SNX9: variants seen among roughly 807,000 people sequenced by gnomAD.
SNX9 encodes the protein sorting nexin-9.
SNX9 carries 44 observed loss-of-function variants against 89.4 expected under a neutral mutation model. The observed-to-expected ratio is 0.49, with a 90% CI of 0.39 to 0.63. SNX9 has a LOEUF of 0.63. SNX9 is among the 30% of genes least tolerant of loss of function. The pLI is 0.00. For missense variants in SNX9, 578 were observed against 736.1 expected, an observed-to-expected ratio of 0.79 and a Z score of 2.49; for synonymous variants, 236 against 247.8, an observed-to-expected ratio of 0.95 and a Z score of 0.45.
At chr6:157,868,871 G>A (rs952440837) in intron 2 of SNX9, among the ~76,000 whole-genome samples, 3 of 152,188 alleles carry the variant, frequency 2.0e-5, no homozygotes, top group South Asian at 2.1e-4. Flanking sequence ...GGCTGATTTC[G>A]TGACACTGCC....
chr6:157,938,361 A>G (rs1783967840), intron 15 of SNX9, among the ~76,000 whole-genome samples: 1 of 152,250 alleles, frequency 6.6e-6, no homozygotes, highest in South Asian at 2.1e-4. Context: ...GCTTCTGAAT[A>G]TTACAGAGAT....
intron 1 of SNX9, among the ~76,000 whole-genome samples, chr6:157,838,380 A>G (rs1033183100): frequency 1.3e-5 from 2 of 152,120 alleles, no homozygotes; most frequent in East Asian, 1.9e-4. Flanking sequence ...AAATGCATGT[A>G]TATTTTTCTA....
chr6:157,852,815 CT>C (rs1562594583), intron 1 of SNX9, among the ~76,000 whole-genome samples: 1 of 152,198 alleles, frequency 6.6e-6, no homozygotes, highest in Non-Finnish European at 1.5e-5. Flanking sequence ...TTTGTGCGAT[CT>C]GTCCACCTCG....
chr6:157,843,222 T>C (rs1339545070), intron 1 of SNX9, among the ~76,000 whole-genome samples: 1 of 152,010 alleles, frequency 6.6e-6, no homozygotes, highest in African/African-American at 2.4e-5. Flanking sequence ...AAATGAAAAT[T>C]GAAAAAGAAA....
At chr6:157,908,071 C>T (rs949135251) in intron 7 of SNX9, among the ~76,000 whole-genome samples, 14 of 152,076 alleles carry the variant, frequency 9.2e-5, no homozygotes, top group South Asian at 2.1e-4. Flanking sequence ...TATCCCAATC[C>T]GCTTTTCCCA....
chr6:157,911,641 G>C (rs1783349303), intron 9 of SNX9, among the ~76,000 whole-genome samples: 1 of 152,148 alleles, frequency 6.6e-6, no homozygotes. Flanking sequence ...TGCTGAAAAA[G>C]GAATTCGAAT....
intron 1 of SNX9, among the ~76,000 whole-genome samples, chr6:157,847,873 C>T (rs968576900): frequency 6.6e-6 from 1 of 152,272 alleles, no homozygotes; most frequent in African/African-American, 2.4e-5. Flanking sequence ...TTTTATAACT[C>T]TCTTGGTAAA....
At chr6:157,896,012 CT>C (rs1209475749) in intron 4 of SNX9, among the ~76,000 whole-genome samples, 2 of 152,182 alleles carry the variant, frequency 1.3e-5, no homozygotes, top group African/African-American at 2.4e-5. Flanking sequence ...TAACCATCAA[CT>C]TTTTTTCTGT....
chr6:157,851,964 C>T (rs1025137529), intron 1 of SNX9, among the ~76,000 whole-genome samples: 2 of 152,120 alleles, frequency 1.3e-5, no homozygotes, highest in Non-Finnish European at 2.9e-5. Flanking sequence ...AGCATGTATC[C>T]GAACTTCATT....
chr6:157,826,757 A>G (rs1348976909), intron 1 of SNX9, among the ~76,000 whole-genome samples: 1 of 118,634 alleles, frequency 8.4e-6, no homozygotes, highest in Admixed American at 9.2e-5. Flanking sequence ...TATAGGTTTT[A>G]TATATATATG....
intron 1 of SNX9, among the ~76,000 whole-genome samples, chr6:157,841,363 T>C (rs146593424): frequency 1.7e-3 from 263 of 152,270 alleles, no homozygotes; most frequent in African/African-American, 4.6e-3. Context: ...TTTTATTACC[T>C]ACAGGCCCTG....
At chr6:157,835,346 T>G (rs2115108496) in intron 1 of SNX9, among the ~76,000 whole-genome samples, 1 of 152,144 alleles carries the variant, frequency 6.6e-6, no homozygotes, top group East Asian at 1.9e-4. Flanking sequence ...TTTACTTCTA[T>G]TAGAGTTCAA....
intron 14 of SNX9, among the ~76,000 whole-genome samples, chr6:157,937,101 G>A (rs1314055374): frequency 7.2e-5 from 11 of 152,160 alleles, no homozygotes; most frequent in Admixed American, 7.2e-4. Context: ...ATATTTAGAA[G>A]TTAAACTACA....
intron 4 of SNX9, among the ~76,000 whole-genome samples, chr6:157,881,872 T>C (rs968422584): frequency 6.6e-6 from 1 of 152,186 alleles, no homozygotes; most frequent in South Asian, 2.1e-4. Context: ...CTTCATAATA[T>C]AAAAGTGCAC....
intron 12 of SNX9, among the ~76,000 whole-genome samples, chr6:157,931,087 T>TGTGGG (rs1257191050): frequency 6.6e-6 from 1 of 152,240 alleles, no homozygotes; most frequent in African/African-American, 2.4e-5. Flanking sequence ...GCCGCTCTTT[T>TGTGGG]GTGGGGTGGG....
At chr6:157,834,553 C>T (rs1781548067) in intron 1 of SNX9, among the ~76,000 whole-genome samples, 1 of 151,794 alleles carries the variant, frequency 6.6e-6, no homozygotes, top group South Asian at 2.1e-4. Flanking sequence ...TGAGGTCTCG[C>T]CATGTTCCCC....
chr6:157,903,199 A>G (rs1783142257), intron 6 of SNX9, among the ~76,000 whole-genome samples: 1 of 151,578 alleles, frequency 6.6e-6, no homozygotes, highest in African/African-American at 2.4e-5. Flanking sequence ...ACTTTTTCCC[A>G]ATATTCCAAT....
chr6:157,890,835 G>A (rs944948679), intron 4 of SNX9, among the ~76,000 whole-genome samples: 5 of 151,996 alleles, frequency 3.3e-5, no homozygotes, highest in African/African-American at 4.8e-5. Flanking sequence ...AGAGTTAAAC[G>A]AATTTCATAG....
intron 13 of SNX9, among the ~76,000 whole-genome samples, chr6:157,935,434 G>A (rs140551137): frequency 6.6e-6 from 1 of 152,110 alleles, no homozygotes; most frequent in Non-Finnish European, 1.5e-5. Context: ...AGGGGAGTGT[G>A]TGACATATCA....
Sources: gnomAD v4.1 joint callset for allele counts (sites outside exome capture counted in the v4.1 genomes callset) on GRCh38, gnomAD v4.1.1 for gene constraint, MANE v1.5 for transcripts, NCBI Gene and HGNC (gene_info 2026-07-23, HGNC 2026-07-21) for gene names.